ANKS1B: variants seen among roughly 807,000 people sequenced by gnomAD.
The protein encoded by ANKS1B is ankyrin repeat and sterile alpha motif domain-containing protein 1B.
In ANKS1B, 36 loss-of-function variants were observed where a neutral mutation model predicts 148.3. The ratio of observed to expected loss-of-function variants is 0.24; its 90% CI spans 0.19 to 0.32. The LOEUF (loss-of-function observed/expected upper bound fraction) is 0.32, where lower values mean the gene tolerates loss of function less well. Ranked by LOEUF, ANKS1B falls within the 10% of genes least tolerant of loss-of-function variation. The pLI, the probability that ANKS1B is intolerant of heterozygous loss-of-function variation, is 1.00. For missense variants in ANKS1B, 1,157 were observed against 1,542.6 expected (o/e 0.75, Z 4.19); for synonymous variants, 542 against 560.8 (o/e 0.97, Z 0.47).
At chr12:99,558,607 G>C (rs1403500135) in intron 9 of ANKS1B, among the ~76,000 whole-genome samples, 3 of 152,152 alleles carry the variant, frequency 2.0e-5, no homozygotes, top group Non-Finnish European at 2.9e-5. Context: ...CAGACTGCCA[G>C]TGAAGGAGCT....
At chr12:99,352,056 CTT>C (rs1328762095) in intron 12 of ANKS1B, 1 of 151,996 alleles carries the variant, frequency 6.6e-6, no homozygotes, top group Non-Finnish European at 1.5e-5. Flanking sequence ...TTTCTGAAGA[CTT>C]TGCCAATGTC....
chr12:99,276,052 T>C (rs1461784735), intron 12 of ANKS1B, among the ~76,000 whole-genome samples: 1 of 152,162 alleles, frequency 6.6e-6, no homozygotes, highest in Non-Finnish European at 1.5e-5. Flanking sequence ...CTGTCCTGGA[T>C]CTAAAAGAGT....
At chr12:99,408,205 G>C (rs1460356390) in intron 11 of ANKS1B, among the ~76,000 whole-genome samples, 1 of 145,602 alleles carries the variant, frequency 6.9e-6, no homozygotes, top group Admixed American at 6.8e-5. Flanking sequence ...TACACTGACA[G>C]TGAATTCATT....
chr12:99,907,812 T>TAAAAAA (rs751468199), intron 1 of ANKS1B, among the ~76,000 whole-genome samples: 4 of 100,158 alleles, frequency 4.0e-5, no homozygotes, highest in Admixed American at 1.2e-4. Context: ...GAGAAATTCT[T>TAAAAAA]AAAAAAAAAA....
At chr12:99,486,219 T>A (rs1018835552) in intron 10 of ANKS1B, among the ~76,000 whole-genome samples, 1 of 152,082 alleles carries the variant, frequency 6.6e-6, no homozygotes, top group Non-Finnish European at 1.5e-5. Flanking sequence ...TATTCCTTTT[T>A]TCCCCTAAAA....
At chr12:99,335,604 T>C (rs575889100) in intron 12 of ANKS1B, among the ~76,000 whole-genome samples, 4 of 152,252 alleles carry the variant, frequency 2.6e-5, no homozygotes, top group Non-Finnish European at 5.9e-5. Context: ...GCAAGGTTAA[T>C]CTTTCTGTGC....
intron 25 of ANKS1B, among the ~76,000 whole-genome samples, chr12:98,752,992 C>T (rs978985993): frequency 1.3e-5 from 2 of 151,796 alleles, no homozygotes; most frequent in African/African-American, 4.8e-5. Flanking sequence ...GCAGTGAGCA[C>T]GCAAACAGTG....
At chr12:98,826,563 C>T (rs1166970193) in intron 19 of ANKS1B, among the ~76,000 whole-genome samples, 2 of 151,782 alleles carry the variant, frequency 1.3e-5, no homozygotes, top group Non-Finnish European at 2.9e-5. Flanking sequence ...AATGGTAGCT[C>T]AGCTAAACTT....
At chr12:98,783,682 T>C (rs2098759455) in intron 22 of ANKS1B, among the ~76,000 whole-genome samples, 1 of 152,172 alleles carries the variant, frequency 6.6e-6, no homozygotes, top group African/African-American at 2.4e-5. Flanking sequence ...AACTAATACA[T>C]GCACAGAGGC....
chr12:99,518,130 G>T (rs1016450570), intron 9 of ANKS1B, among the ~76,000 whole-genome samples: 8 of 152,022 alleles, frequency 5.3e-5, no homozygotes, highest in Non-Finnish European at 1.0e-4. Flanking sequence ...CTAACATTTT[G>T]TTGAGGATTT....
chr12:98,778,410 T>A (rs963744414), intron 24 of ANKS1B, among the ~76,000 whole-genome samples: 2 of 152,188 alleles, frequency 1.3e-5, no homozygotes, highest in Non-Finnish European at 2.9e-5. Context: ...CCAGGCCTAG[T>A]GGCCTCTAGT....
At position 99,244,425 on chromosome 12, in the gene ANKS1B, C is replaced by G. The variant is rs2089930613; in HGVS notation, c.2347-11G>C. ...CATTATTTTGTCAATCTGTAAGAAA[C>G]AAAAACCATTTAAATGGATTGTTAC... is the stretch of plus-strand genomic sequence containing the variant. On this transcript the variant is annotated splice_polypyrimidine_tract_variant and intron_variant, in intron 13 of 26. Coordinates refer to ENST00000683438, the MANE Select transcript of ANKS1B (RefSeq NM_001352186.2). 1 of 1,567,092 alleles carries G rather than the reference C, an allele frequency of 6.4e-7. No homozygotes were observed. The highest frequency in any genetic ancestry group is 1.7e-4 in the Middle Eastern group (1 of 5,912).
At chr12:98,863,050 G>C (rs1317688082) in intron 17 of ANKS1B, among the ~76,000 whole-genome samples, 1 of 152,234 alleles carries the variant, frequency 6.6e-6, no homozygotes, top group South Asian at 2.1e-4. Context: ...GCATCACTGG[G>C]GGTTCTCACC....
chr12:98,914,720 C>G (rs533052308), intron 17 of ANKS1B, among the ~76,000 whole-genome samples: 41 of 152,160 alleles, frequency 2.7e-4, no homozygotes, highest in East Asian at 1.9e-3. Context: ...CTGGAATACC[C>G]CCACCCTTCC....
At chr12:99,197,123 C>T (rs2638559) in intron 14 of ANKS1B, among the ~76,000 whole-genome samples, 72,505 of 151,830 alleles carry the variant, frequency 0.48, 18,069 homozygotes, top group East Asian at 0.57. Flanking sequence ...CCAATCTGAA[C>T]GGAGAGATAT....
At chr12:99,829,610 C>T (rs1432625021) in intron 1 of ANKS1B, among the ~76,000 whole-genome samples, 1 of 152,140 alleles carries the variant, frequency 6.6e-6, no homozygotes, top group African/African-American at 2.4e-5. Context: ...GAGATCGCAC[C>T]ACTGCACTCC....
intron 8 of ANKS1B, among the ~76,000 whole-genome samples, chr12:99,753,251 G>A (rs2061276354): frequency 6.6e-6 from 1 of 152,072 alleles, no homozygotes; most frequent in Non-Finnish European, 1.5e-5. Context: ...AGATGAACAA[G>A]ATTTAAACAA....
At chr12:99,682,668 T>A (rs535811666) in intron 8 of ANKS1B, among the ~76,000 whole-genome samples, 2 of 152,182 alleles carry the variant, frequency 1.3e-5, no homozygotes, top group South Asian at 2.1e-4. Flanking sequence ...AGAGCACATA[T>A]AGACAATCTA....
intron 15 of ANKS1B, among the ~76,000 whole-genome samples, chr12:99,154,000 A>G (rs1183455849): frequency 1.3e-5 from 2 of 152,204 alleles, no homozygotes; most frequent in African/African-American, 4.8e-5. Context: ...CATACCAAGA[A>G]TGACAGGGAG....
Sources: gnomAD v4.1 joint callset for allele counts (sites outside exome capture counted in the v4.1 genomes callset) on GRCh38, gnomAD v4.1.1 for gene constraint, MANE v1.5 for transcripts, NCBI Gene and HGNC (gene_info 2026-07-23, HGNC 2026-07-21) for gene names.